The following PIK3C2A variants were observed in gnomAD, a reference collection of about 807,000 sequenced individuals.
PIK3C2A encodes phosphatidylinositol 4-phosphate 3-kinase C2 domain-containing subunit alpha.
PIK3C2A carries 97 observed loss-of-function variants against 204.5 expected under a neutral mutation model. The ratio of observed to expected loss-of-function variants is 0.47; its 90% CI spans 0.40 to 0.56. The LOEUF (loss-of-function observed/expected upper bound fraction) is 0.56. Ranked by LOEUF, PIK3C2A falls within the 20% of genes least tolerant of loss-of-function variation. The pLI is 0.00. For missense variants in PIK3C2A, 1,735 were observed against 1,969.2 expected, an observed-to-expected ratio of 0.88 and a Z score of 2.25; for synonymous variants, 653 against 664.4, an observed-to-expected ratio of 0.98 and a Z score of 0.26.
intron 1 of PIK3C2A, among the ~76,000 whole-genome samples, chr11:17,195,868 T>C (rs1852136319): frequency 6.6e-6 from 1 of 151,730 alleles, no homozygotes; most frequent in African/African-American, 2.4e-5. Context: ...TGAAACCCCA[T>C]CTTGAATAAA....
At chr11:17,118,311 G>A (rs1409685101) in intron 18 of PIK3C2A, among the ~76,000 whole-genome samples, 4 of 151,822 alleles carry the variant, frequency 2.6e-5, no homozygotes, top group Non-Finnish European at 4.4e-5. Context: ...GAGATCAAGC[G>A]ATCCACTAGC....
chr11:17,135,197 GC>G (rs1272562132), intron 9 of PIK3C2A, 38 bp from the exon 10 acceptor site: 12 of 1,601,430 alleles, frequency 7.5e-6, no homozygotes, highest in Non-Finnish European at 9.4e-6. Flanking sequence ...TCAGAAAACT[GC>G]CTATGACATA....
At chr11:17,140,682 A>G (rs564316094) in intron 8 of PIK3C2A, among the ~76,000 whole-genome samples, 2 of 152,330 alleles carry the variant, frequency 1.3e-5, no homozygotes, top group African/African-American at 4.8e-5. Context: ...AATCAGTACA[A>G]GGAAACTTTT....
chr11:17,091,430 T>C lies in PIK3C2A; in HGVS notation c.4782A>G (p.Pro1594=), dbSNP rs61751351. The C allele has an allele frequency of 5.9e-3, 9,600 of 1,613,756 alleles. 50 individuals carry two copies. The highest frequency in any genetic ancestry group is 7.0e-3 in the Non-Finnish European group (8,297 of 1,179,834). Residue 1594 remains proline, a synonymous_variant, in exon 32 of 33, where the codon CCA becomes CCG. Transcript: ENST00000691414. The part of the protein sequence containing the change: ...LVTEDGADPN[P]YVKTYLLPDN... ...CTGGAAGTAGGTATGTTTTGACATA[T>C]GGATTTGGGTCAGCTCCATCTTCAG...
chr11:17,090,592 G>T (rs546583706), intron 32 of PIK3C2A, among the ~76,000 whole-genome samples: 8 of 152,154 alleles, frequency 5.3e-5, no homozygotes, highest in Non-Finnish European at 8.8e-5. Flanking sequence ...CTATTATAGA[G>T]GGGGGTTCAC....
chr11:17,121,134 T>G (rs1043982100), intron 15 of PIK3C2A, among the ~76,000 whole-genome samples: 1 of 151,710 alleles, frequency 6.6e-6, no homozygotes, highest in South Asian at 2.1e-4. Context: ...CTTTTCTTTT[T>G]TGAGACAGGG....
chr11:17,142,671 G>T (rs1850103190), intron 8 of PIK3C2A, among the ~76,000 whole-genome samples: 2 of 140,704 alleles, frequency 1.4e-5, no homozygotes. Context: ...AGTGATCTGT[G>T]ATCACACCAC....
At chr11:17,127,060 A>G (rs1200615359) in intron 13 of PIK3C2A, among the ~76,000 whole-genome samples, 3 of 152,220 alleles carry the variant, frequency 2.0e-5, no homozygotes, top group Non-Finnish European at 4.4e-5. Context: ...TGGTGAATAC[A>G]ATTCTTCACA....
At chr11:17,093,256 G>A (rs1292917563) in intron 28 of PIK3C2A, among the ~76,000 whole-genome samples, 2 of 152,116 alleles carry the variant, frequency 1.3e-5, no homozygotes, top group East Asian at 1.9e-4. Flanking sequence ...TGACAGTCTC[G>A]ATGATGTTTG....
chr11:17,201,983 C>T (rs577864687), intron 1 of PIK3C2A, among the ~76,000 whole-genome samples: 2 of 152,094 alleles, frequency 1.3e-5, no homozygotes, highest in South Asian at 2.1e-4. Flanking sequence ...GGGCCCGGGG[C>T]GGTGGCCCAC....
In PIK3C2A at chr11:17,101,422, A is replaced by G. The variant is rs769711982; in HGVS notation, c.3864T>C (p.Pro1288=). Residue 1288 remains proline (P), a synonymous_variant, in exon 25 of 33, where the codon CCT becomes CCC. Coordinates refer to ENST00000691414, the MANE Select transcript of PIK3C2A (RefSeq NM_002645.4). ...MFGSFKRDRA[P]FVLTSDMAYV... is the part of the protein sequence containing the mutation. ...ATGCCATATCAGAGGTCAGCACAAA[A>G]GGAGCCCGATCCCTATTTAAAATGA... 1 of 1,531,746 alleles carries G rather than the reference A, an allele frequency of 6.5e-7. No homozygotes were observed. Among genetic ancestry groups the G allele is most frequent in the Non-Finnish European group, 8.9e-7 (1 of 1,125,006 alleles). 94.9% of individuals were successfully genotyped at this position (1,531,746 alleles called of 1,614,324 possible).
At chr11:17,134,560 C>T (rs1849808853) in intron 11 of PIK3C2A, among the ~76,000 whole-genome samples, 1 of 152,136 alleles carries the variant, frequency 6.6e-6, no homozygotes, top group South Asian at 2.1e-4. Context: ...AGGTTCTCTC[C>T]ATGTTTGTCA....
rs1355038375 is a variant in PIK3C2A at position 17,114,399 on chromosome 11, G to C, written c.3283C>G (p.Leu1095Val). The change falls in exon 20 of 33, where the codon CTC becomes GTC. Residue 1095 changes from leucine (L) to valine (V), a missense_variant. Transcript: ENST00000691414. ...TCTTTTGCCACTAGACTTGGCTTGA[G>C]AGGGAGACGGCATTTATTTTTCTGA... The part of the protein sequence containing the change: ...FFQKNKCRLP[L>V]KPSLVAKELN... 4.4e-6 allele frequency: 7 copies of C among 1,589,246 alleles called. No individual in the cohort carries two copies. In the South Asian group the frequency reaches 7.7e-5, roughly 18 times the overall value.
chr11:17,187,168 G>A (rs776564069), intron 1 of PIK3C2A, among the ~76,000 whole-genome samples: 1 of 152,144 alleles, frequency 6.6e-6, no homozygotes, highest in Non-Finnish European at 1.5e-5. Context: ...AGATTGCCCT[G>A]GGAGAATGTG....
intron 13 of PIK3C2A, among the ~76,000 whole-genome samples, chr11:17,127,370 G>A (rs138129848): frequency 0.047 from 7,117 of 151,896 alleles, 256 homozygotes; most frequent in Non-Finnish European, 0.066. Flanking sequence ...GTCCAGTGGC[G>A]CAGTCTTGAC....
chr11:17,091,270 A>T, intron 32 of PIK3C2A, 64 bp downstream of exon 32: 1 of 1,466,828 alleles, frequency 6.8e-7, no homozygotes, highest in Admixed American at 1.9e-5. Context: ...GCACGTCAGA[A>T]CTTAAAAATG....
chr11:17,106,195 T>C (rs1423975819), intron 22 of PIK3C2A, among the ~76,000 whole-genome samples: 1 of 151,902 alleles, frequency 6.6e-6, no homozygotes, highest in African/African-American at 2.4e-5. Context: ...GTGGATCACT[T>C]GAGCTCAGGA....
intron 13 of PIK3C2A, among the ~76,000 whole-genome samples, chr11:17,123,577 T>A (rs745385315): frequency 3.3e-5 from 5 of 151,998 alleles, no homozygotes; most frequent in African/African-American, 4.8e-5. Flanking sequence ...AGAAGTTTTA[T>A]CTGTTTCCTA....
At chr11:17,149,238 C>T (rs141265091) in intron 4 of PIK3C2A, among the ~76,000 whole-genome samples, 173 of 151,886 alleles carry the variant, frequency 1.1e-3, no homozygotes, top group African/African-American at 4.0e-3. Flanking sequence ...ACATTGTATG[C>T]CTGTATCAAA....
Sources: allele counts gnomAD v4.1 joint callset (sites outside exome capture counted in the v4.1 genomes callset), GRCh38; gene constraint gnomAD v4.1.1; transcripts MANE v1.5; gene names NCBI Gene and HGNC (gene_info 2026-07-23, HGNC 2026-07-21).